The following HEXB variants were observed in gnomAD, a reference collection of about 807,000 sequenced individuals.
The protein encoded by HEXB is beta-hexosaminidase subunit beta.
A neutral mutation model predicts 71.2 loss-of-function variants in HEXB; 51 were observed. The ratio of observed to expected loss-of-function variants is 0.72; its 90% confidence interval spans 0.57 to 0.90. The LOEUF (loss-of-function observed/expected upper bound fraction) is 0.90. Ranked by LOEUF, HEXB falls within the 40% of genes least tolerant of loss-of-function variation. The probability of loss-of-function intolerance (pLI) is 0.00; values close to 1 mark genes in which losing one functional copy is unlikely to be tolerated. For synonymous variants in HEXB, 266 were observed against 249.3 expected (o/e 1.07, Z -0.63); for missense variants, 617 against 677.0 (o/e 0.91, Z 0.98).
intron 1 of HEXB, among the ~76,000 whole-genome samples, chr5:74,650,519 G>A (rs1339051487): frequency 6.6e-6 from 1 of 152,216 alleles, no homozygotes; most frequent in Non-Finnish European, 1.5e-5. Context: ...GATTGGGCTG[G>A]AGAAGGGGGT....
At chr5:74,693,393 G>A (rs1749044453) in intron 2 of HEXB, 6 of 551,194 alleles carry the variant, frequency 1.1e-5, no homozygotes, top group Non-Finnish European at 2.0e-5. Flanking sequence ...ACTGAAATGA[G>A]GAACACAGAA....
intron 1 of HEXB, among the ~76,000 whole-genome samples, chr5:74,657,797 G>C (rs779330226): frequency 2.0e-5 from 3 of 152,160 alleles, no homozygotes; most frequent in Admixed American, 6.5e-5. Context: ...TGCTGTTGTG[G>C]CCTCTGTGCC....
intron 1 of HEXB, among the ~76,000 whole-genome samples, chr5:74,678,724 T>G (rs1748681384): frequency 6.6e-6 from 1 of 151,910 alleles, no homozygotes; most frequent in East Asian, 1.9e-4. Flanking sequence ...AAAAAAAAGT[T>G]AAAAGCTACC....
intron 1 of HEXB, among the ~76,000 whole-genome samples, chr5:74,657,746 A>G (rs1367955676): frequency 1.3e-5 from 2 of 152,302 alleles, no homozygotes; most frequent in East Asian, 1.9e-4. Context: ...GTGTAGTCAC[A>G]TGGTTTCTAA....
chr5:74,697,528 C>T (rs1445602859), intron 5 of HEXB, among the ~76,000 whole-genome samples: 1 of 152,116 alleles, frequency 6.6e-6, no homozygotes, highest in Non-Finnish European at 1.5e-5. Flanking sequence ...GAGTTCGAGA[C>T]CAGCCTGGCC....
intron 2 of HEXB, among the ~76,000 whole-genome samples, chr5:74,690,706 A>T (rs1320744983): frequency 2.0e-5 from 3 of 147,188 alleles, no homozygotes; most frequent in East Asian, 4.1e-4. Flanking sequence ...AAAAGATAGG[A>T]TGCCACAAAT....
At chr5:74,679,749 G>A (rs564284033) in intron 1 of HEXB, among the ~76,000 whole-genome samples, 50 of 130,106 alleles carry the variant, frequency 3.8e-4, no homozygotes, top group African/African-American at 1.3e-3. Flanking sequence ...GCAGTGATCC[G>A]AGACTGCACT....
At chr5:74,651,304 G>C (rs1045076186) in intron 1 of HEXB, among the ~76,000 whole-genome samples, 7 of 152,178 alleles carry the variant, frequency 4.6e-5, no homozygotes, top group Non-Finnish European at 8.8e-5. Flanking sequence ...TTTCACCACT[G>C]TGTGTCTAAC....
chr5:74,679,349 C>A (rs1748694990), intron 1 of HEXB, among the ~76,000 whole-genome samples: 1 of 152,140 alleles, frequency 6.6e-6, no homozygotes, highest in Non-Finnish European at 1.5e-5. Flanking sequence ...AGAAATAGAT[C>A]CTTCTTATGC....
Position 74,689,311 on chromosome 5 carries a change from A to C in HEXB, c.300-17A>C. 2 of 1,606,724 alleles carry C rather than the reference A, an allele frequency of 1.2e-6. No individual in the cohort carries two copies. The highest frequency in any genetic ancestry group is 1.1e-5 in the South Asian group (1 of 90,926). On this transcript the variant is annotated splice_polypyrimidine_tract_variant and intron_variant, in intron 1 of 13. Coordinates refer to ENST00000261416, the MANE Select transcript of HEXB (RefSeq NM_000521.4). ...TAAAATCCTTCTAAAATGTGTTTAC[A>C]TTTATTTCTCAAACAGATATCATGG...
intron 2 of HEXB, among the ~76,000 whole-genome samples, chr5:74,691,749 C>T (rs1353991516): frequency 6.6e-6 from 1 of 152,142 alleles, no homozygotes; most frequent in Admixed American, 6.5e-5. Flanking sequence ...AGATTTTAGC[C>T]TTATCTATAT....
At chr5:74,697,511 A>C (rs888208444) in intron 5 of HEXB, among the ~76,000 whole-genome samples, 12 of 152,274 alleles carry the variant, frequency 7.9e-5, no homozygotes, top group Middle Eastern at 6.8e-3. Flanking sequence ...GGATCACCTG[A>C]GGTCAGGAGT....
chr5:74,645,107 G>A (rs1161608367), intron 1 of HEXB, among the ~76,000 whole-genome samples: 1 of 152,046 alleles, frequency 6.6e-6, no homozygotes, highest in East Asian at 1.9e-4. Flanking sequence ...ATCCGAATTG[G>A]TTTGATCATA....
chr5:74,699,267 C>T (rs1222052119), intron 5 of HEXB, among the ~76,000 whole-genome samples: 1 of 151,732 alleles, frequency 6.6e-6, no homozygotes, highest in Non-Finnish European at 1.5e-5. Context: ...TTTGCTACCC[C>T]CCACCCCCTT....
upstream of HEXB, among the ~76,000 whole-genome samples, chr5:74,680,596 T>C (rs1748720489): frequency 6.6e-6 from 1 of 152,104 alleles, no homozygotes; most frequent in South Asian, 2.1e-4. Context: ...ATGGAAGAAA[T>C]AGAAATAATT....
chr5:74,644,874 C>G (rs1339733159), intron 1 of HEXB, among the ~76,000 whole-genome samples: 1 of 136,206 alleles, frequency 7.3e-6, no homozygotes, highest in African/African-American at 2.7e-5. Context: ...CAGATTCAAG[C>G]AATTCTCCTG....
intron 1 of HEXB, among the ~76,000 whole-genome samples, chr5:74,673,193 G>A (rs752082069): frequency 1.3e-5 from 2 of 152,206 alleles, no homozygotes; most frequent in Non-Finnish European, 2.9e-5. Flanking sequence ...TAGCAAAGCA[G>A]GGAGAAATGC....
At chr5:74,667,221 C>G (rs543060518) in intron 1 of HEXB, among the ~76,000 whole-genome samples, 1 of 151,472 alleles carries the variant, frequency 6.6e-6, no homozygotes. Flanking sequence ...TCGAGACCAG[C>G]CTGACCAAAA....
At chr5:74,702,770 AC>A (rs1749293843) in intron 5 of HEXB, among the ~76,000 whole-genome samples, 1 of 152,342 alleles carries the variant, frequency 6.6e-6, no homozygotes, top group East Asian at 1.9e-4. Flanking sequence ...ATCAGTTATT[AC>A]TAAGGTGGCT....
Sources: allele counts gnomAD v4.1 joint callset (sites outside exome capture counted in the v4.1 genomes callset), GRCh38; gene constraint gnomAD v4.1.1; transcripts MANE v1.5; gene names NCBI Gene and HGNC (gene_info 2026-07-23, HGNC 2026-07-21).